TRMT11: variants seen among roughly 807,000 people sequenced by gnomAD.
TRMT11 encodes tRNA (guanine(10)-N(2))-methyltransferase TRMT11.
A neutral mutation model predicts 62.8 loss-of-function variants in TRMT11; 53 were observed. That is an observed-to-expected ratio of 0.84 (90% CI 0.68 to 1.06). TRMT11 has a LOEUF of 1.06. Ranked by LOEUF, TRMT11 falls within the 50% of genes least tolerant of loss-of-function variation. The probability of loss-of-function intolerance (pLI) is 0.00; values close to 1 mark genes in which losing one functional copy is unlikely to be tolerated. For synonymous variants in TRMT11, 188 were observed against 190.3 expected (o/e 0.99, Z 0.10); for missense variants, 556 against 553.4 (o/e 1.00, Z -0.05).
intron 9 of TRMT11, 96 bp downstream of exon 9, chr6:126,011,513 C>A: frequency 3.9e-6 from 4 of 1,036,200 alleles, no homozygotes; most frequent in South Asian, 1.5e-5. Context: ...CACAAAATGC[C>A]AACTTGTCAG....
chr6:126,210,090 G>T, the TRMT11 span, among the ~76,000 whole-genome samples: 1 of 152,196 alleles, frequency 6.6e-6, no homozygotes, highest in African/African-American at 2.4e-5. Flanking sequence ...AGCAAAGATG[G>T]AAGGATTTTG....
chr6:126,200,735 A>G (rs1778725832), intron 3 of TRMT11, among the ~76,000 whole-genome samples: 1 of 152,036 alleles, frequency 6.6e-6, no homozygotes, highest in Non-Finnish European at 1.5e-5. Flanking sequence ...TTTTATTTTT[A>G]GTAGAGACAG....
chr6:126,243,596 A>C, the TRMT11 span, among the ~76,000 whole-genome samples: 3 of 152,224 alleles, frequency 2.0e-5, no homozygotes, highest in African/African-American at 4.8e-5. Context: ...ATGGAATACT[A>C]TGCAGCCATA....
chr6:126,098,894 T>C (rs1419388394), intron 17 of TRMT11, among the ~76,000 whole-genome samples: 24 of 152,152 alleles, frequency 1.6e-4, no homozygotes, highest in Admixed American at 1.6e-3. Context: ...AAATTATGGG[T>C]TTAAGCTACT....
upstream of TRMT11, among the ~76,000 whole-genome samples, chr6:126,174,221 T>G (rs1187127991): frequency 6.6e-6 from 1 of 152,138 alleles, no homozygotes; most frequent in African/African-American, 2.4e-5. Context: ...CATTCTGATC[T>G]TTATTTTACA....
At chr6:125,993,844 C>A (rs567727079) in intron 2 of TRMT11, 22 bp downstream of exon 2, 12 of 1,484,570 alleles carry the variant, frequency 8.1e-6, no homozygotes, top group Admixed American at 3.4e-5. Flanking sequence ...TTTCATTAGA[C>A]CATATGGAGT....
intron 1 of TRMT11, among the ~76,000 whole-genome samples, chr6:126,179,830 G>A (rs116835978): frequency 2.2e-4 from 34 of 152,094 alleles, no homozygotes; most frequent in African/African-American, 7.2e-4. Flanking sequence ...TTGTTATAAG[G>A]TTCAAACACC....
At chr6:126,152,286 A>AAT (rs1778068693) in intron 21 of TRMT11, among the ~76,000 whole-genome samples, 1 of 149,454 alleles carries the variant, frequency 6.7e-6, no homozygotes, top group African/African-American at 2.5e-5. Flanking sequence ...AAAAAAAAAA[A>AAT]TCAAACATGA....
chr6:126,267,228 A>T, the TRMT11 span, among the ~76,000 whole-genome samples: 1 of 152,194 alleles, frequency 6.6e-6, no homozygotes, highest in African/African-American at 2.4e-5. Flanking sequence ...TAATGCTTTT[A>T]TTTCATGGTC....
intron 17 of TRMT11, among the ~76,000 whole-genome samples, chr6:126,080,938 G>C (rs1777147901): frequency 1.3e-5 from 2 of 152,324 alleles, no homozygotes; most frequent in South Asian, 4.1e-4. Flanking sequence ...GAAGGATAAA[G>C]TGGAAGCCTC....
intron 21 of TRMT11, among the ~76,000 whole-genome samples, chr6:126,148,460 G>T (rs955025305): frequency 2.6e-5 from 4 of 152,122 alleles, no homozygotes; most frequent in African/African-American, 9.7e-5. Flanking sequence ...CTGTATCTGG[G>T]CATCACTTAG....
intron 21 of TRMT11, among the ~76,000 whole-genome samples, chr6:126,137,795 G>A (rs969954581): frequency 1.3e-5 from 2 of 151,774 alleles, no homozygotes; most frequent in Admixed American, 1.3e-4. Context: ...CCATAAAAAA[G>A]TTAATGAAAT....
chr6:126,200,951 A>G (rs1364040533), intron 3 of TRMT11, among the ~76,000 whole-genome samples: 1 of 152,118 alleles, frequency 6.6e-6, no homozygotes, highest in Non-Finnish European at 1.5e-5. Context: ...TGATTTTTAG[A>G]TAAGGGTGCA....
chr6:126,182,961 C>A (rs1448443625), intron 1 of TRMT11, among the ~76,000 whole-genome samples: 4 of 152,034 alleles, frequency 2.6e-5, no homozygotes, highest in African/African-American at 9.7e-5. Context: ...TCAACTGGGG[C>A]TGTTGGAACT....
At chr6:126,116,249 A>G (rs1291730118) in intron 21 of TRMT11, among the ~76,000 whole-genome samples, 1 of 151,960 alleles carries the variant, frequency 6.6e-6, no homozygotes, top group Non-Finnish European at 1.5e-5. Context: ...GAAGTCTTCC[A>G]AGGAACAAGA....
intron 17 of TRMT11, among the ~76,000 whole-genome samples, chr6:126,099,402 C>G (rs1289258842): frequency 1.3e-5 from 2 of 152,166 alleles, no homozygotes; most frequent in South Asian, 4.1e-4. Context: ...CTACCTGTGA[C>G]CTGCTGTGAT....
chr6:126,246,145 G>A, the TRMT11 span, among the ~76,000 whole-genome samples: 1 of 151,928 alleles, frequency 6.6e-6, no homozygotes, highest in Non-Finnish European at 1.5e-5. Flanking sequence ...GTGTAGTGAT[G>A]TACACCTGTA....
chr6:125,999,643 A>G (rs760525068), intron 7 of TRMT11, 30 bp downstream of exon 7: 3 of 1,563,032 alleles, frequency 1.9e-6, no homozygotes, highest in South Asian at 2.4e-5. Flanking sequence ...AAGCTAGTGT[A>G]GAGATGTTGC....
rs1281492531 is a variant in TRMT11 at position 126,092,339 on chromosome 6, A to G, written c.*1438-20527A>G. On this transcript the variant is annotated intron_variant and NMD_transcript_variant, in intron 17 of 22. Transcript: ENST00000648977. Reference sequence around the variant, plus strand: ...ACATGGCTGGGGAGGTCTTACAGTCATGGTGGAAGGAGAAAGGCCTATCTT... The same window carrying G: ...ACATGGCTGGGGAGGTCTTACAGTCGTGGTGGAAGGAGAAAGGCCTATCTT... Among the ~76,000 whole-genome samples the G allele has an allele frequency of 2.6e-5, 4 of 152,306 alleles. No homozygotes were observed. In the East Asian group the frequency reaches 7.7e-4, roughly 29 times the overall value.
Sources: gnomAD v4.1 joint callset for allele counts (sites outside exome capture counted in the v4.1 genomes callset) on GRCh38, gnomAD v4.1.1 for gene constraint, MANE v1.5 for transcripts, NCBI Gene and HGNC (gene_info 2026-07-23, HGNC 2026-07-21) for gene names.